Variants in PRKD1 observed in about 807,000 individuals in gnomAD.
The protein encoded by PRKD1 is protein kinase D1.
A neutral mutation model predicts 95.9 loss-of-function variants in PRKD1; 63 were observed. The observed-to-expected ratio is 0.66, with a 90% CI of 0.54 to 0.81. The LOEUF (loss-of-function observed/expected upper bound fraction) is 0.81. Ranked by LOEUF, PRKD1 falls within the 30% of genes least tolerant of loss-of-function variation. PRKD1 has a pLI of 0.00. For missense variants in PRKD1, 1,048 were observed against 1,165.3 expected, an observed-to-expected ratio of 0.90 and a Z score of 1.47; for synonymous variants, 425 against 423.1, an observed-to-expected ratio of 1.00 and a Z score of -0.05.
chr14:29,747,713 A>AT (rs1887293502), intron 1 of PRKD1, among the ~76,000 whole-genome samples: 1 of 152,166 alleles, frequency 6.6e-6, no homozygotes, highest in South Asian at 2.1e-4. Flanking sequence ...ATGTCAAAAA[A>AT]TTTACAATTT....
intron 12 of PRKD1, among the ~76,000 whole-genome samples, chr14:29,625,939 T>C (rs1158650438): frequency 6.6e-6 from 1 of 152,046 alleles, no homozygotes; most frequent in African/African-American, 2.4e-5. Flanking sequence ...TTTAACTGGC[T>C]GGAATCTAAA....
At chr14:29,704,083 G>A (rs1474259930) in intron 2 of PRKD1, among the ~76,000 whole-genome samples, 1 of 152,102 alleles carries the variant, frequency 6.6e-6, no homozygotes, top group African/African-American at 2.4e-5. Context: ...TACAACACGG[G>A]ACAAAACCAT....
intron 1 of PRKD1, among the ~76,000 whole-genome samples, chr14:29,835,170 C>CAT (rs34461958): frequency 0.49 from 74,077 of 151,790 alleles, 21,834 homozygotes; most frequent in African/African-American, 0.84. Context: ...TGAAAAAAAA[C>CAT]AAATTCATTT....
rs573375010 is a variant in PRKD1 at position 29,698,567 on chromosome 14, G to C, written c.403+26969C>G. On this transcript the variant is annotated intron_variant, in intron 2 of 17. Transcript: ENST00000331968. ...AATTCCTTTTTAGCTCTCTAATAAT[G>C]AAACTCTAAAACTCTCGAAATTGGG... Among the ~76,000 whole-genome samples the C allele has an allele frequency of 1.3e-4, 20 of 152,000 alleles. 1 individual carries two copies. The highest frequency in any genetic ancestry group is 1.0e-3 in the Admixed American group (16 of 15,256).
chr14:29,880,056 G>A (rs1566651624), intron 1 of PRKD1, among the ~76,000 whole-genome samples: 1 of 152,312 alleles, frequency 6.6e-6, no homozygotes, highest in South Asian at 2.1e-4. Context: ...CCCATTTTCT[G>A]AGAAGAAATT....
At chr14:29,595,331 T>A (rs901270350) in intron 16 of PRKD1, among the ~76,000 whole-genome samples, 7 of 152,204 alleles carry the variant, frequency 4.6e-5, no homozygotes, top group African/African-American at 7.2e-5. Context: ...GAGTCCTAAC[T>A]GGTAAAGTCC....
At chr14:29,620,030 ACTGTCTGAT>A (rs1489320026) in intron 13 of PRKD1, among the ~76,000 whole-genome samples, 2 of 151,998 alleles carry the variant, frequency 1.3e-5, no homozygotes, top group African/African-American at 4.8e-5. Flanking sequence ...CATATCTACA[ACTGTCTGAT>A]CTTTGACAAA....
intron 1 of PRKD1, among the ~76,000 whole-genome samples, chr14:29,921,997 C>A (rs1895129359): frequency 1.3e-5 from 2 of 152,126 alleles, no homozygotes; most frequent in Non-Finnish European, 2.9e-5. Context: ...ATAGTACATA[C>A]CTGTTTTAAA....
intron 4 of PRKD1, among the ~76,000 whole-genome samples, chr14:29,640,726 T>C (rs45484398): frequency 0.022 from 3,386 of 152,286 alleles, 113 homozygotes; most frequent in African/African-American, 0.072. Context: ...AATGAAAATA[T>C]TTTTCCATAG....
At chr14:29,826,732 C>CACACATATATAT (rs1566622554) in intron 1 of PRKD1, among the ~76,000 whole-genome samples, 881 of 52,554 alleles carry the variant, frequency 0.017, 174 homozygotes, top group Middle Eastern at 0.032. Flanking sequence ...CATATATATA[C>CACACATATATAT]ACATATATAT....
chr14:29,607,739 C>T (rs889680523), intron 13 of PRKD1, among the ~76,000 whole-genome samples: 1 of 152,156 alleles, frequency 6.6e-6, no homozygotes, highest in African/African-American at 2.4e-5. Flanking sequence ...ATTGAGCACA[C>T]CTGAATAATC....
At chr14:29,715,621 G>A (rs1295401670) in intron 2 of PRKD1, among the ~76,000 whole-genome samples, 1 of 152,086 alleles carries the variant, frequency 6.6e-6, no homozygotes, top group Non-Finnish European at 1.5e-5. Context: ...AGAAATTTGT[G>A]CTGTCCAATT....
intron 16 of PRKD1, among the ~76,000 whole-genome samples, chr14:29,583,394 A>G (rs1341676888): frequency 6.6e-6 from 1 of 151,848 alleles, no homozygotes; most frequent in Non-Finnish European, 1.5e-5. Flanking sequence ...CAGTTTGAAT[A>G]CCCCCACCTC....
chr14:29,715,911 A>G (rs1270410567), intron 2 of PRKD1, among the ~76,000 whole-genome samples: 1 of 152,208 alleles, frequency 6.6e-6, no homozygotes, highest in Admixed American at 6.6e-5. Flanking sequence ...GCCAATTTAT[A>G]TAAAAAGGCA....
At chr14:29,790,531 T>A (rs536333401) in intron 1 of PRKD1, among the ~76,000 whole-genome samples, 147 of 152,306 alleles carry the variant, frequency 9.7e-4, no homozygotes, top group Non-Finnish European at 1.7e-3. Flanking sequence ...CGGGATTTTT[T>A]AATTTGGCTT....
intron 1 of PRKD1, among the ~76,000 whole-genome samples, chr14:29,875,365 C>T (rs1893250170): frequency 6.6e-6 from 1 of 152,038 alleles, no homozygotes; most frequent in Non-Finnish European, 1.5e-5. Context: ...TAAATTGTGC[C>T]TATGATGCAA....
chr14:29,673,871 G>A (rs1594415951), intron 2 of PRKD1, among the ~76,000 whole-genome samples: 1 of 152,256 alleles, frequency 6.6e-6, no homozygotes, highest in East Asian at 1.9e-4. Flanking sequence ...GTGATAAAAT[G>A]CATGGACTGA....
intron 1 of PRKD1, among the ~76,000 whole-genome samples, chr14:29,787,219 T>G (rs1373466254): frequency 4.0e-5 from 6 of 148,282 alleles, no homozygotes; most frequent in South Asian, 2.1e-4. Flanking sequence ...TTCAGTGTTT[T>G]TTTTTTTTTT....
intron 1 of PRKD1, among the ~76,000 whole-genome samples, chr14:29,783,769 T>A (rs1473056444): frequency 6.6e-6 from 1 of 152,236 alleles, no homozygotes; most frequent in African/African-American, 2.4e-5. Context: ...CTTCTGTCTG[T>A]TGGCCATTCG....
Sources: allele counts gnomAD v4.1 joint callset (sites outside exome capture counted in the v4.1 genomes callset), GRCh38; gene constraint gnomAD v4.1.1; transcripts MANE v1.5; gene names NCBI Gene and HGNC (gene_info 2026-07-23, HGNC 2026-07-21).